The following SLCO5A1 variants were observed in gnomAD, a reference collection of about 807,000 sequenced individuals.
SLCO5A1 encodes the protein solute carrier organic anion transporter family member 5A1, also known as organic anion transporter polypeptide-related protein 4.
Under a neutral mutation model 65.1 loss-of-function variants are expected in SLCO5A1, and 39 were observed. The ratio of observed to expected loss-of-function variants is 0.60; its 90% CI spans 0.46 to 0.78. The LOEUF (loss-of-function observed/expected upper bound fraction) is 0.78. Ranked by LOEUF, SLCO5A1 falls within the 30% of genes least tolerant of loss-of-function variation. The probability of loss-of-function intolerance (pLI) is 0.00; values close to 1 mark genes in which losing one functional copy is unlikely to be tolerated. For synonymous variants in SLCO5A1, 438 were observed against 415.7 expected (o/e 1.05, Z -0.65); for missense variants, 1,029 against 1,069.4 (o/e 0.96, Z 0.53).
intron 2 of SLCO5A1, among the ~76,000 whole-genome samples, chr8:69,823,552 G>A (rs1586838070): frequency 6.6e-6 from 1 of 152,100 alleles, no homozygotes; most frequent in African/African-American, 2.4e-5. Flanking sequence ...ATGGTAAAGG[G>A]ATCAATTCAA....
chr8:69,704,873 A>C (rs1383875936), intron 6 of SLCO5A1, 158 bp downstream of exon 6: 1 of 676,756 alleles, frequency 1.5e-6, no homozygotes, highest in African/African-American at 1.8e-5. Context: ...TCTGCCCTGC[A>C]GGAGTGCATG....
Position 69,704,782 on chromosome 8 carries a change from T to A in SLCO5A1, c.1622+249A>T, listed in dbSNP as rs986307186. 8.4e-6 allele frequency: 4 copies of A among 474,710 alleles called. No individual in the cohort carries two copies. The Admixed American group carries it at 1.5e-4, about 18-fold the overall frequency. 29.4% of individuals were successfully genotyped at this position (474,710 alleles called of 1,614,324 possible). ...TTTCATTAATCCAATAAGCATTTCATCCTCATCTGATGTAATTAAAATGCT... is the reference window on the plus strand; with the variant it reads ...TTTCATTAATCCAATAAGCATTTCAACCTCATCTGATGTAATTAAAATGCT... On this transcript the variant is annotated intron_variant, in intron 6 of 9. Coordinates refer to ENST00000260126, the MANE Select transcript of SLCO5A1 (RefSeq NM_030958.3).
chr8:69,716,114 TTTCAAGGTTCC>T (rs1007784931), intron 5 of SLCO5A1, among the ~76,000 whole-genome samples: 1 of 152,218 alleles, frequency 6.6e-6, no homozygotes, highest in African/African-American at 2.4e-5. Context: ...CTTAGTATGT[TTTCAAGGTTCC>T]TCTGTGTTAA....
chr8:69,770,487 G>A (rs1037798360), intron 2 of SLCO5A1, among the ~76,000 whole-genome samples: 12 of 152,070 alleles, frequency 7.9e-5, no homozygotes, highest in South Asian at 4.2e-4. Flanking sequence ...AGACCCCAAC[G>A]TAAAGATTGC....
intron 5 of SLCO5A1, among the ~76,000 whole-genome samples, chr8:69,728,452 T>A (rs1303247870): frequency 6.6e-6 from 1 of 151,948 alleles, no homozygotes; most frequent in Non-Finnish European, 1.5e-5. Context: ...AATTCTAAAA[T>A]TAAAAACCAA....
chr8:69,675,177 C>CTT (rs772773985), intron 9 of SLCO5A1, among the ~76,000 whole-genome samples: 5 of 142,944 alleles, frequency 3.5e-5, no homozygotes, highest in South Asian at 2.3e-4. Context: ...ATAAGACTGA[C>CTT]TTTTTTTTTT....
chr8:69,766,929 C>T (rs999206676), intron 2 of SLCO5A1, among the ~76,000 whole-genome samples: 3 of 152,220 alleles, frequency 2.0e-5, no homozygotes, highest in African/African-American at 7.2e-5. Flanking sequence ...GAACGCTCTA[C>T]TGTCATGAAC....
chr8:69,691,704 C>G (rs749688723), intron 6 of SLCO5A1, among the ~76,000 whole-genome samples: 1 of 152,160 alleles, frequency 6.6e-6, no homozygotes, highest in Non-Finnish European at 1.5e-5. Context: ...TGTATATAGT[C>G]ATGTGTCACT....
intron 4 of SLCO5A1, among the ~76,000 whole-genome samples, chr8:69,746,166 T>C (rs1817020382): frequency 6.6e-6 from 1 of 152,176 alleles, no homozygotes; most frequent in Middle Eastern, 3.2e-3. Flanking sequence ...TAACTTTTCA[T>C]GTATGCATCC....
intron 4 of SLCO5A1, among the ~76,000 whole-genome samples, chr8:69,752,555 G>T (rs887352201): frequency 1.3e-5 from 2 of 151,930 alleles, no homozygotes; most frequent in Non-Finnish European, 2.9e-5. Flanking sequence ...TACACTAAAG[G>T]AAATCAATGT....
At position 69,705,219 on chromosome 8, in the gene SLCO5A1, G is replaced by T. The variant is rs756829489; in HGVS notation, c.1434C>A (p.Ile478=). The T allele has an allele frequency of 1.2e-6, 2 of 1,613,968 alleles. No homozygotes were observed. Among genetic ancestry groups the T allele is most frequent in the Non-Finnish European group, 1.7e-6 (2 of 1,179,908 alleles). Residue 478 remains isoleucine, a synonymous_variant, in exon 6 of 10, where the codon ATC becomes ATA. Coordinates refer to ENST00000260126, the MANE Select transcript of SLCO5A1 (RefSeq NM_030958.3). ...CAATACCAACACCAGCACTGGGGAC[G>T]ATAATAACCCCTGGGGAGAAGAGAA... is the stretch of plus-strand genomic sequence containing the variant. ...SNASIYTGVI[I]VPSAGVGIVL... is the part of the protein sequence containing the mutation.
At chr8:69,697,283 G>A (rs545758825) in intron 6 of SLCO5A1, among the ~76,000 whole-genome samples, 10 of 152,238 alleles carry the variant, frequency 6.6e-5, no homozygotes, top group East Asian at 5.8e-4. Context: ...CCAGCTACTC[G>A]GGAGGCTGAG....
intron 2 of SLCO5A1, among the ~76,000 whole-genome samples, chr8:69,815,936 A>G (rs1470794864): frequency 6.6e-6 from 1 of 152,192 alleles, no homozygotes; most frequent in Non-Finnish European, 1.5e-5. Flanking sequence ...CAATGTAGCA[A>G]TGAGTAACAC....
At position 69,832,091 on chromosome 8, in the gene SLCO5A1, G is replaced by T. The variant is rs1258728053; in HGVS notation, c.583C>A (p.Pro195Thr). The T allele has an allele frequency of 6.2e-7, 1 of 1,613,702 alleles. No homozygotes were observed. The highest frequency in any genetic ancestry group is 1.1e-5 in the South Asian group (1 of 91,078). The change falls in exon 2 of 10, where the codon CCC becomes ACC. Residue 195 changes from proline (P) to threonine (T), a missense_variant. Transcript: ENST00000260126. This position sits in a 1 kb window ranked among gnomAD's most constrained non-coding sequence, Gnocchi z 4.5. ...VSYFGGRGRR[P>T]LWLAVGGLLI... ...AGTCCACCCACGGCCAGCCACAGGG[G>T]CCGCCGACCCCGGCCGCCGAAGTAG...
intron 9 of SLCO5A1, among the ~76,000 whole-genome samples, chr8:69,675,063 T>TAC (rs1813493942): frequency 6.6e-6 from 1 of 151,398 alleles, no homozygotes; most frequent in African/African-American, 2.4e-5. Flanking sequence ...CATATATATA[T>TAC]ACATATATAT....
At chr8:69,716,105 T>G (rs1221920413) in intron 5 of SLCO5A1, among the ~76,000 whole-genome samples, 1 of 152,170 alleles carries the variant, frequency 6.6e-6, no homozygotes, top group Non-Finnish European at 1.5e-5. Flanking sequence ...CTTCTGTCAC[T>G]TAGTATGTTT....
At chr8:69,707,189 C>G (rs1207777624) in intron 5 of SLCO5A1, among the ~76,000 whole-genome samples, 1 of 151,940 alleles carries the variant, frequency 6.6e-6, no homozygotes, top group South Asian at 2.1e-4. Flanking sequence ...ATGGTGCCTG[C>G]CCCCAAGAAC....
intron 5 of SLCO5A1, among the ~76,000 whole-genome samples, chr8:69,721,563 T>G (rs1815815585): frequency 6.6e-6 from 1 of 152,240 alleles, no homozygotes; most frequent in Non-Finnish European, 1.5e-5. Flanking sequence ...AGTGCTCCCA[T>G]AAACATACAC....
At chr8:69,724,913 C>A (rs1394134119) in intron 5 of SLCO5A1, among the ~76,000 whole-genome samples, 10 of 152,134 alleles carry the variant, frequency 6.6e-5, no homozygotes, top group Non-Finnish European at 1.5e-4. Flanking sequence ...TATTAATTAT[C>A]TACCCTGCCT....
Sources: allele counts gnomAD v4.1 joint callset (sites outside exome capture counted in the v4.1 genomes callset), GRCh38; gene constraint gnomAD v4.1.1; non-coding constraint Gnocchi (gnomAD v3.1); transcripts MANE v1.5; gene names NCBI Gene and HGNC (gene_info 2026-07-23, HGNC 2026-07-21).